The following ATP8B4 variants were observed in gnomAD, a reference collection of about 807,000 sequenced individuals.
ATP8B4 encodes the protein probable phospholipid-transporting ATPase IM.
ATP8B4 carries 133 observed loss-of-function variants against 145.6 expected under a neutral mutation model. The ratio of observed to expected loss-of-function variants is 0.91; its 90% CI spans 0.79 to 1.05. ATP8B4 has a LOEUF of 1.05. Among genes scored for constraint, ATP8B4 ranks in the 50% least tolerant of loss-of-function variants. The pLI is 0.00. For synonymous variants in ATP8B4, 507 were observed against 492.9 expected, an observed-to-expected ratio of 1.03 and a Z score of -0.38; for missense variants, 1,458 against 1,425.2, an observed-to-expected ratio of 1.02 and a Z score of -0.37.
At chr15:49,897,170 C>A in intron 23 of ATP8B4, 122 bp downstream of exon 23, 2 of 904,696 alleles carry the variant, frequency 2.2e-6, no homozygotes, top group South Asian at 1.7e-5. Flanking sequence ...AATACTATTA[C>A]TTGAATCAGC....
intron 1 of ATP8B4, among the ~76,000 whole-genome samples, chr15:50,136,840 G>A (rs890869628): frequency 6.6e-6 from 1 of 152,172 alleles, no homozygotes; most frequent in Non-Finnish European, 1.5e-5. Context: ...GTAAGATGGG[G>A]TTGATAGTAA....
chr15:49,976,430 C>T (rs1290102826), intron 12 of ATP8B4, among the ~76,000 whole-genome samples: 1 of 151,904 alleles, frequency 6.6e-6, no homozygotes, highest in African/African-American at 2.4e-5. Flanking sequence ...CTAATTTTAC[C>T]AACAGGGACA....
At chr15:50,130,905 G>C (rs1050710118) in intron 1 of ATP8B4, among the ~76,000 whole-genome samples, 3 of 152,196 alleles carry the variant, frequency 2.0e-5, no homozygotes, top group Non-Finnish European at 2.9e-5. Flanking sequence ...AACTACCCAA[G>C]ACTGGGTAAT....
intron 7 of ATP8B4, among the ~76,000 whole-genome samples, chr15:50,007,812 A>G (rs1158678124): frequency 6.6e-6 from 1 of 152,170 alleles, no homozygotes; most frequent in Non-Finnish European, 1.5e-5. Context: ...CACCAAAAAA[A>G]AAATTGTCTT....
intron 1 of ATP8B4, among the ~76,000 whole-genome samples, chr15:50,151,740 C>CAAAAAA (rs58413585): frequency 1.1e-5 from 1 of 91,770 alleles, no homozygotes; most frequent in African/African-American, 4.2e-5. Context: ...GAACCTGTCT[C>CAAAAAA]AAAAAAAAAA....
At chr15:50,048,647 G>A (rs559670122) in intron 3 of ATP8B4, among the ~76,000 whole-genome samples, 18 of 151,406 alleles carry the variant, frequency 1.2e-4, no homozygotes, top group Non-Finnish European at 1.5e-4. Flanking sequence ...AGCGGAGGTC[G>A]CAGTGAGCCG....
intron 12 of ATP8B4, among the ~76,000 whole-genome samples, chr15:49,976,363 T>C (rs185921052): frequency 6.6e-6 from 1 of 151,706 alleles, no homozygotes; most frequent in East Asian, 2.0e-4. Context: ...GGGTAGTGTC[T>C]TGCCCATCAG....
intron 2 of ATP8B4, among the ~76,000 whole-genome samples, chr15:50,082,251 A>G (rs918732621): frequency 6.6e-6 from 1 of 152,244 alleles, no homozygotes; most frequent in Admixed American, 6.5e-5. Flanking sequence ...AGTTGACTCC[A>G]AGAACACATT....
intron 6 of ATP8B4, among the ~76,000 whole-genome samples, chr15:50,026,862 G>T (rs1435047001): frequency 2.0e-5 from 3 of 152,164 alleles, no homozygotes; most frequent in Non-Finnish European, 2.9e-5. Flanking sequence ...GATGGTACTT[G>T]TGACGGACCA....
chr15:50,138,486 T>C (rs1002440968), intron 1 of ATP8B4, among the ~76,000 whole-genome samples: 1 of 151,944 alleles, frequency 6.6e-6, no homozygotes, highest in Non-Finnish European at 1.5e-5. Context: ...GACAGATAGA[T>C]AGATACCTGA....
chr15:50,061,525 T>A (rs938841748), intron 3 of ATP8B4, among the ~76,000 whole-genome samples: 1 of 152,342 alleles, frequency 6.6e-6, no homozygotes, highest in Admixed American at 6.5e-5. Flanking sequence ...AAATATCTGA[T>A]TGATTTTAAT....
chr15:50,073,822 A>G (rs889395720), intron 3 of ATP8B4, among the ~76,000 whole-genome samples: 1 of 152,214 alleles, frequency 6.6e-6, no homozygotes, highest in Non-Finnish European at 1.5e-5. Context: ...GTCCATTTTC[A>G]TATTATTCCT....
At chr15:50,041,577 A>C (rs2051286873) in intron 5 of ATP8B4, among the ~76,000 whole-genome samples, 2 of 151,926 alleles carry the variant, frequency 1.3e-5, no homozygotes, top group Admixed American at 1.3e-4. Context: ...GAATCAGTAA[A>C]CTCCAGGAAC....
At chr15:49,918,767 G>T in intron 19 of ATP8B4, 72 bp downstream of exon 19, 1 of 1,103,062 alleles carries the variant, frequency 9.1e-7, no homozygotes, top group Non-Finnish European at 1.4e-6. Flanking sequence ...AACCTTTCTG[G>T]TTAATTAAAA....
intron 8 of ATP8B4, among the ~76,000 whole-genome samples, chr15:49,997,767 A>T (rs2153556808): frequency 6.6e-6 from 1 of 152,296 alleles, no homozygotes; most frequent in South Asian, 2.1e-4. Flanking sequence ...GGACAATATG[A>T]GTCCAACTCA....
chr15:49,987,751 G>A (rs2046739660), intron 9 of ATP8B4, among the ~76,000 whole-genome samples: 1 of 151,842 alleles, frequency 6.6e-6, no homozygotes, highest in African/African-American at 2.4e-5. Flanking sequence ...TTTCTGTACT[G>A]TCCAAATAAA....
At chr15:50,044,819 A>G in intron 4 of ATP8B4, 127 bp from the exon 5 acceptor site, 1 of 599,246 alleles carries the variant, frequency 1.7e-6, no homozygotes, top group Non-Finnish European at 2.8e-6. Flanking sequence ...AATGACTTTC[A>G]ATAATTTAAG....
chr15:50,096,259 G>A (rs1171031021), intron 2 of ATP8B4, among the ~76,000 whole-genome samples: 1 of 152,146 alleles, frequency 6.6e-6, no homozygotes, highest in African/African-American at 2.4e-5. Context: ...GAGAATAGCC[G>A]CTCTCCCCTA....
chr15:50,156,107 A>ATAAAT (rs1567410582), intron 1 of ATP8B4, among the ~76,000 whole-genome samples: 453 of 27,090 alleles, frequency 0.017, 10 homozygotes, highest in African/African-American at 0.046. Flanking sequence ...TATATATATA[A>ATAAAT]ATATATATAT....
Sources: allele counts gnomAD v4.1 joint callset (sites outside exome capture counted in the v4.1 genomes callset), GRCh38; gene constraint gnomAD v4.1.1; transcripts MANE v1.5; gene names NCBI Gene and HGNC (gene_info 2026-07-23, HGNC 2026-07-21).